The following TENM2 variants were observed in gnomAD, a reference collection of about 807,000 sequenced individuals.
TENM2 encodes teneurin-2.
A neutral mutation model predicts 245.2 loss-of-function variants in TENM2; 52 were observed. The observed-to-expected ratio is 0.21, with a 90% CI of 0.17 to 0.27. The LOEUF is 0.27. Among genes scored for constraint, TENM2 ranks in the 10% least tolerant of loss-of-function variants. The probability of loss-of-function intolerance (pLI) is 1.00; values close to 1 mark genes in which losing one functional copy is unlikely to be tolerated. For missense variants in TENM2, 3,046 were observed against 3,666.8 expected (o/e 0.83, Z 4.37); for synonymous variants, 1,363 against 1,438.9 (o/e 0.95, Z 1.19).
intron 14 of TENM2, among the ~76,000 whole-genome samples, chr5:168,192,392 G>A (rs958674641): frequency 1.3e-4 from 20 of 152,100 alleles, no homozygotes; most frequent in Non-Finnish European, 1.6e-4. Context: ...TCACCAGATC[G>A]CCAAAACTTT....
At chr5:167,693,904 C>G (rs1757592626) in intron 2 of TENM2, among the ~76,000 whole-genome samples, 1 of 152,116 alleles carries the variant, frequency 6.6e-6, no homozygotes, top group African/African-American at 2.4e-5. Flanking sequence ...AAGTGTTCCC[C>G]AAAGATTTAG....
At chr5:167,665,223 G>T (rs1755491582) in intron 2 of TENM2, among the ~76,000 whole-genome samples, 1 of 152,130 alleles carries the variant, frequency 6.6e-6, no homozygotes, top group Admixed American at 6.6e-5. Flanking sequence ...TGGGAAAAAT[G>T]AATACAATAA....
chr5:167,122,788 T>G, the TENM2 span, among the ~76,000 whole-genome samples: 1 of 152,166 alleles, frequency 6.6e-6, no homozygotes, highest in Non-Finnish European at 1.5e-5. Context: ...GCTTTCATCC[T>G]GAAAGGTGGG....
chr5:168,098,138 C>G lies in TENM2; in HGVS notation c.1813+11C>G. The G allele has an allele frequency of 6.3e-7, 1 of 1,596,978 alleles. No individual in the cohort carries two copies. The highest frequency in any genetic ancestry group is 1.1e-5 in the South Asian group (1 of 90,164). On this transcript the variant is annotated intron_variant, in intron 9 of 28. Coordinates refer to ENST00000518659, the Ensembl canonical transcript of TENM2. The stretch of plus-strand genomic sequence containing the variant: ...CAGACTGTGCTAAAGGTATGTGCCG[C>G]CACTTCCCTGCTATGGTTGGAAAAC...
intron 2 of TENM2, among the ~76,000 whole-genome samples, chr5:167,462,181 A>ACCCCCCCCCCC (rs34703422): frequency 9.3e-5 from 7 of 75,020 alleles, no homozygotes; most frequent in Non-Finnish European, 1.6e-4. Flanking sequence ...CCTGACCCCC[A>ACCCCCCCCCCC]CCCCCCCCCC....
At chr5:168,188,670 C>T (rs896566023) in intron 13 of TENM2, among the ~76,000 whole-genome samples, 6 of 152,158 alleles carry the variant, frequency 3.9e-5, no homozygotes, top group African/African-American at 1.4e-4. Context: ...ATTAAGAGGT[C>T]ATTAATTCTA....
chr5:166,998,859 T>C, the TENM2 span, among the ~76,000 whole-genome samples: 11 of 152,094 alleles, frequency 7.2e-5, no homozygotes, highest in African/African-American at 2.2e-4. Flanking sequence ...ATACATATGC[T>C]AGATTTGCAG....
chr5:167,694,589 T>C (rs1368048113), intron 2 of TENM2, among the ~76,000 whole-genome samples: 1 of 152,202 alleles, frequency 6.6e-6, no homozygotes, highest in Non-Finnish European at 1.5e-5. Context: ...GTCATTTCTT[T>C]GCTTCCTTAG....
At chr5:167,727,495 CTACTCCA>C (rs2150543437) in intron 2 of TENM2, among the ~76,000 whole-genome samples, 1 of 152,340 alleles carries the variant, frequency 6.6e-6, no homozygotes, top group East Asian at 1.9e-4. Context: ...AAAACAAAGA[CTACTCCA>C]TACATCTGCA....
intron 2 of TENM2, among the ~76,000 whole-genome samples, chr5:167,474,633 G>A (rs141374022): frequency 6.6e-6 from 1 of 151,786 alleles, no homozygotes; most frequent in African/African-American, 2.4e-5. Context: ...CCCTGCCTCA[G>A]CCTCCCGAGT....
the TENM2 span, among the ~76,000 whole-genome samples, chr5:167,109,847 G>A: frequency 6.6e-6 from 1 of 152,148 alleles, no homozygotes; most frequent in African/African-American, 2.4e-5. Flanking sequence ...TCTCAAGTGT[G>A]GTCCTTAGGG....
At chr5:168,004,517 G>GCGCGCACACACACACA (rs898616203) in intron 5 of TENM2, among the ~76,000 whole-genome samples, 24 of 132,152 alleles carry the variant, frequency 1.8e-4, no homozygotes, top group African/African-American at 6.7e-4. Context: ...GCGCGCGCGC[G>GCGCGCACACACACACA]CACACACACA....
chr5:167,603,214 C>T (rs78646014), intron 2 of TENM2, among the ~76,000 whole-genome samples: 2,829 of 152,194 alleles, frequency 0.019, 37 homozygotes, highest in South Asian at 0.038. Context: ...ACTGGGTTTC[C>T]TAAATTCCAT....
In TENM2 at chr5:168,154,325, T is replaced by C. The variant is rs368545919; in HGVS notation, c.2423-8286T>C. Among the ~76,000 whole-genome samples, 4 of 152,044 alleles carry C rather than the reference T, an allele frequency of 2.6e-5. No homozygotes were observed. The East Asian group carries it at 7.7e-4, about 29-fold the overall frequency. On this transcript the variant is annotated intron_variant, in intron 12 of 28. Transcript: ENST00000518659. ...CCACCCACCCAGCTTCAAGCAATTC[T>C]CCTGCCTCAGCCTCTCAAGTAGCTG...
chr5:167,657,192 G>GT (rs1269312501), intron 2 of TENM2, among the ~76,000 whole-genome samples: 4 of 151,948 alleles, frequency 2.6e-5, no homozygotes, highest in South Asian at 2.1e-4. Context: ...GTTTGCTTTT[G>GT]TTTTTTATCT....
intron 1 of TENM2, among the ~76,000 whole-genome samples, chr5:167,308,285 A>C (rs146887409): frequency 3.3e-5 from 5 of 152,308 alleles, no homozygotes; most frequent in Middle Eastern, 3.4e-3. Context: ...ACATGGGACA[A>C]GTCTCAGACA....
At chr5:168,167,207 G>A (rs1198557724) in intron 13 of TENM2, among the ~76,000 whole-genome samples, 1 of 152,124 alleles carries the variant, frequency 6.6e-6, no homozygotes, top group East Asian at 1.9e-4. Flanking sequence ...CAAGTGACAG[G>A]CGGATAATAT....
At chr5:167,952,645 A>G (rs1318537489) in exon 4 of TENM2, 1 of 1,612,458 alleles carries the variant, frequency 6.2e-7, no homozygotes. Context: ...CCCCCTCACA[A>G]CCACACGCTG....
At chr5:167,685,627 G>A (rs1359323935) in intron 2 of TENM2, among the ~76,000 whole-genome samples, 5 of 152,120 alleles carry the variant, frequency 3.3e-5, no homozygotes, top group Admixed American at 6.6e-5. Context: ...TTCCCAATGT[G>A]TGTAGAAGTG....
Sources: allele counts gnomAD v4.1 joint callset (sites outside exome capture counted in the v4.1 genomes callset), GRCh38; gene constraint gnomAD v4.1.1; transcripts MANE v1.5; gene names NCBI Gene and HGNC (gene_info 2026-07-23, HGNC 2026-07-21).